The following PRKCA variants were observed in gnomAD, a reference collection of about 807,000 sequenced individuals.
PRKCA encodes protein kinase C alpha type.
A neutral mutation model predicts 87.0 loss-of-function variants in PRKCA; 27 were observed. The observed-to-expected ratio is 0.31, with a 90% CI of 0.23 to 0.43. The LOEUF (loss-of-function observed/expected upper bound fraction) is 0.43, where lower values mean the gene tolerates loss of function less well. PRKCA is among the 20% of genes least tolerant of loss of function. The pLI is 1.00. For missense variants in PRKCA, 518 were observed against 852.3 expected (o/e 0.61, Z 4.88); for synonymous variants, 329 against 311.1 (o/e 1.06, Z -0.61).
At chr17:66,457,448 G>A (rs1432559792) in intron 2 of PRKCA, among the ~76,000 whole-genome samples, 1 of 152,082 alleles carries the variant, frequency 6.6e-6, no homozygotes, top group Non-Finnish European at 1.5e-5. Context: ...GAGGGCTGTT[G>A]AAGATGTGAG....
At chr17:66,685,006 C>A (rs773165739) in intron 5 of PRKCA, among the ~76,000 whole-genome samples, 15 of 152,128 alleles carry the variant, frequency 9.9e-5, no homozygotes, top group Non-Finnish European at 1.9e-4. Flanking sequence ...GTGGGCTAGA[C>A]TTTCTGCATT....
chr17:66,613,534 A>C (rs1425060289), intron 3 of PRKCA, among the ~76,000 whole-genome samples: 1 of 152,156 alleles, frequency 6.6e-6, no homozygotes, highest in Non-Finnish European at 1.5e-5. Context: ...GACACCCATC[A>C]AGGTGTCTCC....
intron 2 of PRKCA, among the ~76,000 whole-genome samples, chr17:66,398,595 GT>G: frequency 6.6e-6 from 1 of 152,274 alleles, no homozygotes; most frequent in East Asian, 1.9e-4. Flanking sequence ...TGTGAGGAGT[GT>G]GGTTTAATCA....
At chr17:66,789,293 G>T (rs966893267) in intron 16 of PRKCA, among the ~76,000 whole-genome samples, 2 of 152,194 alleles carry the variant, frequency 1.3e-5, no homozygotes, top group African/African-American at 4.8e-5. Flanking sequence ...GGACTTTGTG[G>T]ACTCGCACCC....
chr17:66,743,028 A>C (rs61761553), intron 13 of PRKCA, among the ~76,000 whole-genome samples: 3,659 of 152,292 alleles, frequency 0.024, 48 homozygotes, highest in Non-Finnish European at 0.03. Context: ...TCATGGTCAA[A>C]ATCATTTAAG....
intron 5 of PRKCA, among the ~76,000 whole-genome samples, chr17:66,681,204 G>A (rs986817933): frequency 2.0e-5 from 3 of 152,168 alleles, no homozygotes; most frequent in Non-Finnish European, 4.4e-5. Flanking sequence ...ACTCCAGCCT[G>A]GGTGACAGAG....
intron 5 of PRKCA, among the ~76,000 whole-genome samples, chr17:66,684,678 T>G (rs55846454): frequency 0.034 from 5,163 of 152,324 alleles, 122 homozygotes; most frequent in South Asian, 0.051. Context: ...ATGATTTTTT[T>G]TGTGTGTGTT....
At chr17:66,379,206 G>A (rs965113716) in intron 2 of PRKCA, among the ~76,000 whole-genome samples, 5 of 152,082 alleles carry the variant, frequency 3.3e-5, no homozygotes, top group African/African-American at 1.2e-4. Flanking sequence ...TTAATTCTGT[G>A]GTTAACATTT....
intron 3 of PRKCA, among the ~76,000 whole-genome samples, chr17:66,541,113 A>G (rs1967971705): frequency 6.6e-6 from 1 of 152,190 alleles, no homozygotes. Flanking sequence ...AGACTCTCAA[A>G]TGAGTCTATC....
chr17:66,798,181 T>G (rs879632746), intron 16 of PRKCA, among the ~76,000 whole-genome samples: 15 of 152,312 alleles, frequency 9.8e-5, no homozygotes, highest in Admixed American at 9.1e-4. Context: ...CCTCTTTGCT[T>G]CTTCTTGCTC....
intron 2 of PRKCA, among the ~76,000 whole-genome samples, chr17:66,469,083 C>T (rs760587880): frequency 7.9e-5 from 12 of 152,130 alleles, no homozygotes; most frequent in Non-Finnish European, 4.4e-5. Flanking sequence ...CTTATTCCCT[C>T]GAAATGCAAA....
intron 3 of PRKCA, among the ~76,000 whole-genome samples, chr17:66,537,875 G>A (rs1052309339): frequency 1.3e-5 from 2 of 151,982 alleles, no homozygotes; most frequent in Non-Finnish European, 2.9e-5. Context: ...GCATGATCTC[G>A]GCTCACTGCA....
chr17:66,735,592 A>G lies in PRKCA; in HGVS notation c.1160A>G (p.Glu387Gly). The change falls in exon 10 of 17, where the codon GAA (glutamate) becomes GGA (glycine). Residue 387 changes from glutamate (E) to glycine (G), a missense_variant. By Grantham distance (98) the Glu-to-Gly change is moderately conservative. Around this residue, in one of 5 missense-constraint regions of PRKCA, gnomAD observed 300 missense variants for 496.8 expected, o/e 0.60. Coordinates refer to ENST00000413366, the MANE Select transcript of PRKCA (RefSeq NM_002737.3). ...QDDDVECTMV[E>G]KRVLALLDKP... ...GATGACGTGGAGTGCACCATGGTAG[A>G]AAAGCGAGTCTTGGCCCTGCTTGAC... The G allele has an allele frequency of 6.2e-7, 1 of 1,614,192 alleles. No individual in the cohort carries two copies. The highest frequency in any genetic ancestry group is 1.1e-5 in the South Asian group (1 of 91,080).
At chr17:66,720,347 C>CGA (rs1349462776) in intron 8 of PRKCA, among the ~76,000 whole-genome samples, 2 of 152,230 alleles carry the variant, frequency 1.3e-5, no homozygotes, top group East Asian at 3.8e-4. Context: ...TTTATTTACT[C>CGA]TAACTGTGCT....
intron 3 of PRKCA, among the ~76,000 whole-genome samples, chr17:66,626,089 C>G (rs1970845909): frequency 1.3e-5 from 2 of 152,318 alleles, no homozygotes; most frequent in South Asian, 4.1e-4. Context: ...TCTCTGCGTA[C>G]AGGTGAAGCA....
At chr17:66,678,177 A>G (rs1447678477) in intron 5 of PRKCA, among the ~76,000 whole-genome samples, 1 of 152,212 alleles carries the variant, frequency 6.6e-6, no homozygotes, top group African/African-American at 2.4e-5. Context: ...ATAGAGAGAA[A>G]TTACAGGCAC....
intron 3 of PRKCA, among the ~76,000 whole-genome samples, chr17:66,527,595 C>T (rs576104335): frequency 6.6e-6 from 1 of 152,310 alleles, no homozygotes; most frequent in African/African-American, 2.4e-5. Context: ...TGCCGCAGAC[C>T]TTTGTCTGCT....
At chr17:66,778,249 C>G in intron 14 of PRKCA, 2 of 972,356 alleles carry the variant, frequency 2.1e-6, no homozygotes, top group South Asian at 9.5e-5. Context: ...CCCGGTGGCT[C>G]ACACCTGTAA....
chr17:66,505,527 T>C (rs143322619), intron 3 of PRKCA, among the ~76,000 whole-genome samples: 59 of 152,304 alleles, frequency 3.9e-4, no homozygotes, highest in Middle Eastern at 3.4e-3. Flanking sequence ...ACTCCACTTT[T>C]GAATGGCCTG....
Sources: allele counts gnomAD v4.1 joint callset (sites outside exome capture counted in the v4.1 genomes callset), GRCh38; gene constraint gnomAD v4.1.1; regional missense constraint gnomAD v4.1.1; transcripts MANE v1.5; gene names NCBI Gene and HGNC (gene_info 2026-07-23, HGNC 2026-07-21).